The following SPTBN2 variants were observed in gnomAD, a reference collection of about 807,000 sequenced individuals.
SPTBN2 encodes spectrin beta, non-erythrocytic 2.
SPTBN2 carries 107 observed loss-of-function variants against 284.2 expected under a neutral mutation model. That is an observed-to-expected ratio of 0.38 (90% confidence interval 0.32 to 0.44). The LOEUF is 0.44. Among genes scored for constraint, SPTBN2 ranks in the 20% least tolerant of loss-of-function variants. The pLI, the probability that SPTBN2 is intolerant of heterozygous loss-of-function variation, is 1.00. For synonymous variants in SPTBN2, 1,289 were observed against 1,354.8 expected (o/e 0.95, Z 1.07); for missense variants, 2,569 against 3,287.1 (o/e 0.78, Z 5.34).
Position 66,700,645 on chromosome 11 carries a change from T to C in SPTBN2, c.3454A>G (p.Thr1152Ala), listed in dbSNP as rs1941185235. ...FLRQRLEALG[T>A]GWEELGRMWE... ...ATTCGGCCCAGCTCCTCCCAGCCAG[T>C]TCCCAGGGCCTCCAGTCGCTGTCGT... Residue 1152 changes from threonine to alanine, a missense_variant, in exon 17 of 38, where the codon ACT (threonine) becomes GCT (alanine). Transcript: ENST00000533211. The surrounding 1 kb of genome is among the most constrained non-coding windows in gnomAD (Gnocchi z 6.6). 3.1e-6 allele frequency: 5 copies of C among 1,608,218 alleles called. No individual in the cohort carries two copies. Among genetic ancestry groups the C allele is most frequent in the South Asian group, 1.1e-5 (1 of 91,070 alleles).
chr11:66,702,131 G>A (rs1269899123), intron 15 of SPTBN2, among the ~76,000 whole-genome samples: 1 of 152,182 alleles, frequency 6.6e-6, no homozygotes, highest in Non-Finnish European at 1.5e-5. Flanking sequence ...ATTTGTCTGA[G>A]TGATGAAAAT....
intron 20 of SPTBN2, 123 bp from the exon 21 acceptor site, chr11:66,696,663 G>C (rs998578268): frequency 7.4e-7 from 1 of 1,354,568 alleles, no homozygotes; most frequent in Non-Finnish European, 1.0e-6. Flanking sequence ...CCAAGTCCTT[G>C]TGTGTTCTTA....
intron 18 of SPTBN2, 74 bp downstream of exon 18, chr11:66,699,332 G>T (rs1287609730): frequency 6.4e-7 from 1 of 1,572,766 alleles, no homozygotes; most frequent in Non-Finnish European, 8.7e-7. Context: ...CCTGTGCCAC[G>T]TTTATCTTTG....
chr11:66,687,527 G>T lies in SPTBN2; in HGVS notation c.6622C>A (p.Leu2208Met). 6.2e-7 allele frequency: 1 copy of T among 1,612,274 alleles called. No homozygotes were observed. The change falls in exon 35 of 38, where the codon CTG (leucine) becomes ATG (methionine). Residue 2208 changes from leucine (L) to methionine (M), a missense_variant. Coordinates refer to ENST00000533211, the MANE Select transcript of SPTBN2 (RefSeq NM_006946.4). This position sits in a 1 kb window ranked among gnomAD's most constrained non-coding sequence, Gnocchi z 5.2. ...RSTESAHAAT[L>M]PPRGPEPSAQ... ...GATGGCTCTGGGCCTCGAGGCGGCAGGGTGGCAGCATGGGCTGACTCGGTA... is the reference window on the plus strand; with the variant it reads ...GATGGCTCTGGGCCTCGAGGCGGCATGGTGGCAGCATGGGCTGACTCGGTA...
chr11:66,736,396 T>C lies in SPTBN2; in HGVS notation c.-474-7204A>G, dbSNP rs966999445. On this transcript the variant is annotated intron_variant, in intron 1 of 37. Transcript: ENST00000611817. ...TTATGGACGATCCCTCTCAAACGAT[T>C]TTTAACTTGCAAACCTAAATGCCAT... Among the ~76,000 whole-genome samples the C allele has an allele frequency of 5.3e-5, 8 of 152,186 alleles. No individual in the cohort carries two copies. The East Asian group carries it at 5.8e-4, about 11-fold the overall frequency.
Position 66,715,455 on chromosome 11 carries a change from C to T in SPTBN2, c.310-60G>A. The T allele has an allele frequency of 1.9e-6, 3 of 1,565,172 alleles. No individual in the cohort carries two copies. Among genetic ancestry groups the T allele is most frequent in the Admixed American group, 3.5e-5 (2 of 56,808 alleles). ...GTGGGCTTCCACCTTCTTCCCCAGC[C>T]TTCACAGGGCCCAGCTTTGCACACC... On this transcript the variant is annotated intron_variant, in intron 4 of 37. Coordinates refer to ENST00000533211, the MANE Select transcript of SPTBN2 (RefSeq NM_006946.4). The surrounding 1 kb of genome is among the most constrained non-coding windows in gnomAD (Gnocchi z 5.3).
chr11:66,686,075 C>T lies in SPTBN2; in HGVS notation c.6969G>A (p.Val2323=). The change falls in exon 38 of 38, where the codon GTG becomes GTA. Residue 2323 remains valine (V), a synonymous_variant. Coordinates refer to ENST00000533211, the MANE Select transcript of SPTBN2 (RefSeq NM_006946.4). The stretch of plus-strand genomic sequence containing the variant: ...AAGACGCTGTGGCAATGGCTGCATT[C>T]ACCACCCGTAGCCACGAGCTCATCT... ...EAEMSSWLRV[V]NAAIATASSA... is the part of the protein sequence containing the mutation. 1.2e-6 allele frequency: 2 copies of T among 1,613,732 alleles called. No individual in the cohort carries two copies. Among genetic ancestry groups the T allele is most frequent in the Admixed American group, 1.7e-5 (1 of 60,014 alleles).
chr11:66,686,951 C>T, intron 36 of SPTBN2, 43 bp downstream of exon 36: 1 of 1,611,956 alleles, frequency 6.2e-7, no homozygotes, highest in Non-Finnish European at 8.5e-7. Flanking sequence ...TGTGTCACTC[C>T]CAACTCTCCT....
At position 66,704,603 on chromosome 11, in the gene SPTBN2, C is replaced by G; in HGVS notation, c.2673G>C (p.Gln891His). The G allele has an allele frequency of 1.2e-6, 2 of 1,611,624 alleles. No homozygotes were observed. Among genetic ancestry groups the G allele is most frequent in the Non-Finnish European group, 1.7e-6 (2 of 1,179,484 alleles). Residue 891 changes from glutamine (Q) to histidine (H), a missense_variant, in exon 15 of 38, where the codon CAG becomes CAC. Physicochemically the swap from Gln to His is conservative, Grantham distance 24. Coordinates refer to ENST00000533211, the MANE Select transcript of SPTBN2 (RefSeq NM_006946.4). ...TAGGAGCCTGAGGGGCCTACCTCTGCTGCACGACCTCCAGGTCCTCCAGGC... is the reference window on the plus strand; with the variant it reads ...TAGGAGCCTGAGGGGCCTACCTCTGGTGCACGACCTCCAGGTCCTCCAGGC... ...PERLEDLEVV[Q>H]QRFETLEPEM...
chr11:66,693,577 G>A lies in SPTBN2; in HGVS notation c.4594-131C>T, dbSNP rs1321157478. The A allele has an allele frequency of 2.8e-5, 40 of 1,445,828 alleles. No individual in the cohort carries two copies. The highest frequency in any genetic ancestry group is 3.4e-5 in the Non-Finnish European group (36 of 1,067,940). The allele number at this position is 1,445,828 out of a possible 1,614,324, so 89.6% of individuals were successfully genotyped here. A position where few individuals can be genotyped will look rare whatever the true frequency, so the allele number is the denominator to read the frequency against. ...GCTCCCTCTCCTAGCCTGGGGGTGCGATGGTAACACCCGTCAGCCGCCCAG... is the reference window on the plus strand; with the variant it reads ...GCTCCCTCTCCTAGCCTGGGGGTGCAATGGTAACACCCGTCAGCCGCCCAG... On this transcript the variant is annotated intron_variant, in intron 23 of 37. Transcript: ENST00000533211. The surrounding 1 kb of genome is among the most constrained non-coding windows in gnomAD (Gnocchi z 5.7).
At chr11:66,737,700 G>A (rs1942863492) in intron 1 of SPTBN2, among the ~76,000 whole-genome samples, 1 of 152,182 alleles carries the variant, frequency 6.6e-6, no homozygotes, top group Admixed American at 6.5e-5. Context: ...AATGATTACT[G>A]CATGAAATAG....
intron 6 of SPTBN2, 24 bp downstream of exon 6, chr11:66,714,292 G>A: frequency 6.2e-7 from 1 of 1,612,518 alleles, no homozygotes; most frequent in South Asian, 1.1e-5. Context: ...ACCCTCCAGT[G>A]CCACACGCCC....
At chr11:66,690,444 C>G in intron 27 of SPTBN2, 161 bp from the exon 28 acceptor site, 2 of 981,662 alleles carry the variant, frequency 2.0e-6, no homozygotes, top group Non-Finnish European at 2.9e-6. Context: ...AAGGCAGGGG[C>G]TGGCCACACT....
At chr11:66,702,236 G>A (rs187339531) in intron 15 of SPTBN2, among the ~76,000 whole-genome samples, 25 of 152,294 alleles carry the variant, frequency 1.6e-4, no homozygotes, top group African/African-American at 5.1e-4. Flanking sequence ...GTGCAATCTC[G>A]ACTCACTGCA....
intron 1 of SPTBN2, among the ~76,000 whole-genome samples, chr11:66,739,979 C>T (rs1227062525): frequency 1.3e-5 from 2 of 152,166 alleles, no homozygotes; most frequent in African/African-American, 4.8e-5. Flanking sequence ...TTGCAGTGAG[C>T]CGAGATCCTG....
At position 66,699,611 on chromosome 11, in the gene SPTBN2, G is replaced by A; in HGVS notation, c.3574-3C>T. On this transcript the variant is annotated splice_region_variant and splice_polypyrimidine_tract_variant and intron_variant, in intron 17 of 37. Transcript: ENST00000533211. ...TCCGTGTGAGACAGAACATATTCCT[G>A]TGTGGGAGGGATGACATTCAGCTCA... 1.2e-6 allele frequency: 2 copies of A among 1,613,924 alleles called. No individual in the cohort carries two copies. Among genetic ancestry groups the A allele is most frequent in the Non-Finnish European group, 1.7e-6 (2 of 1,179,988 alleles).
intron 20 of SPTBN2, among the ~76,000 whole-genome samples, chr11:66,698,089 A>T (rs1941030555): frequency 6.6e-6 from 1 of 152,130 alleles, no homozygotes; most frequent in African/African-American, 2.4e-5. Flanking sequence ...TGGGTGGGAG[A>T]CCAAGAACCA....
In SPTBN2 at chr11:66,715,441, C is replaced by T. The variant is rs1378434952; in HGVS notation, c.310-46G>A. 8 of 1,578,354 alleles carry T rather than the reference C, an allele frequency of 5.1e-6. No individual in the cohort carries two copies. The East Asian group carries it at 1.1e-4, about 22-fold the overall frequency. On this transcript the variant is annotated intron_variant, in intron 4 of 37. Coordinates refer to ENST00000533211, the MANE Select transcript of SPTBN2 (RefSeq NM_006946.4). The surrounding 1 kb of genome is among the most constrained non-coding windows in gnomAD (Gnocchi z 5.3). ...AATGGCACGGGACTGTGGGCTTCCA[C>T]CTTCTTCCCCAGCCTTCACAGGGCC...
chr11:66,704,464 A>T, intron 15 of SPTBN2, 134 bp downstream of exon 15: 1 of 1,111,230 alleles, frequency 9.0e-7, no homozygotes, highest in Non-Finnish European at 1.3e-6. Context: ...ATTTTTTGTT[A>T]AAACTAGAAA....
Sources: allele counts gnomAD v4.1 joint callset (sites outside exome capture counted in the v4.1 genomes callset), GRCh38; gene constraint gnomAD v4.1.1; non-coding constraint Gnocchi (gnomAD v3.1); transcripts MANE v1.5; gene names NCBI Gene and HGNC (gene_info 2026-07-23, HGNC 2026-07-21).